RBM14: variants seen among roughly 807,000 people sequenced by gnomAD.
RBM14 encodes RNA binding motif protein 14.
RBM14 carries 5 observed loss-of-function variants against 52.8 expected under a neutral mutation model. That is an observed-to-expected ratio of 0.09 (90% CI 0.05 to 0.20). RBM14 has a LOEUF of 0.20. RBM14 is among the 10% of genes least tolerant of loss of function. RBM14 has a pLI of 1.00. For synonymous variants in RBM14, 411 were observed against 401.8 expected (o/e 1.02, Z -0.28); for missense variants, 780 against 926.6 (o/e 0.84, Z 2.05).
At chr11:66,620,416 T>C (rs1231029027) in intron 1 of RBM14, among the ~76,000 whole-genome samples, 1 of 152,054 alleles carries the variant, frequency 6.6e-6, no homozygotes, top group Non-Finnish European at 1.5e-5. Context: ...CAAGCAATTC[T>C]CCTGCCTCAG....
rs2134997177 is a variant in RBM14 at position 66,616,646 on chromosome 11, G to A, written c.-75G>A. On this transcript the variant is annotated 5_prime_UTR_variant, in exon 1 of 3. Transcript: ENST00000310137. ...TCGCCAGCCATTCCTGAGGAGGACT[G>A]CCGGTCGTTCGGACGTCTTGCCTGT... 2 of 1,487,082 alleles carry A rather than the reference G, an allele frequency of 1.3e-6. No individual in the cohort carries two copies. Among genetic ancestry groups the A allele is most frequent in the Non-Finnish European group, 1.8e-6 (2 of 1,115,632 alleles). 92.1% of individuals were successfully genotyped at this position (1,487,082 alleles called of 1,614,324 possible). A position where few individuals can be genotyped will look rare whatever the true frequency, so the allele number is the denominator to read the frequency against.
In RBM14 at chr11:66,625,434, T is replaced by C; in HGVS notation, c.1558T>C (p.Ser520Pro). 6.2e-7 allele frequency: 1 copy of C among 1,613,612 alleles called. No homozygotes were observed. Among genetic ancestry groups the C allele is most frequent in the Non-Finnish European group, 8.5e-7 (1 of 1,179,922 alleles). ...ATLAAPYRTQ[S>P]SASLAASYAA... ...CCTGGCAGCTCCTTACCGCACTCAG[T>C]CATCAGCCTCATTGGCTGCTTCCTA... The change falls in exon 2 of 3, where the codon TCA (serine) becomes CCA (proline). Residue 520 changes from serine (S) to proline (P), a missense_variant. By Grantham distance (74) the Ser-to-Pro change is moderately conservative. Transcript: ENST00000310137. The surrounding 1 kb of genome is among the most constrained non-coding windows in gnomAD (Gnocchi z 4.2).
rs535210722 is a variant in RBM14 at position 66,618,686 on chromosome 11, C to G, written c.337+1629C>G. 2.9e-4 allele frequency: 182 copies of G among 633,498 alleles called. No homozygotes were observed. In the South Asian group the frequency reaches 3.3e-3, roughly 11 times the overall value. The allele number at this position is 633,498 out of a possible 1,614,324, so 39.2% of individuals were successfully genotyped here. On this transcript the variant is annotated intron_variant, in intron 1 of 2. Transcript: ENST00000310137. ...TTGTGAGAGTTTTGTGTTTAATTGA[C>G]TTACCAAGTTTCTTTTGTGGTTGTT...
At chr11:66,620,903 C>A (rs1345731886) in intron 1 of RBM14, 1 of 151,998 alleles carries the variant, frequency 6.6e-6, no homozygotes, top group Non-Finnish European at 1.5e-5. Context: ...ACTCTGCTTC[C>A]CCTTCACTTT....
At position 66,622,902 on chromosome 11, in the gene RBM14, A is replaced by G. The variant is rs77413477; in HGVS notation, c.338-1312A>G. On this transcript the variant is annotated intron_variant, in intron 1 of 2. Transcript: ENST00000310137. ...ATCTAAGAGTAGCCACAGGTCGAGAATGGAGCTAAGCTTAGAGCCTTATTT... is the reference window on the plus strand; with the variant it reads ...ATCTAAGAGTAGCCACAGGTCGAGAGTGGAGCTAAGCTTAGAGCCTTATTT... 8.8e-3 allele frequency among the ~76,000 whole-genome samples: 1,345 copies of G among 152,312 alleles called. 23 individuals are homozygous for G. Among genetic ancestry groups the G allele is most frequent in the African/African-American group, 0.03 (1,252 of 41,560 alleles).
chr11:66,617,151 G>T, intron 1 of RBM14, 94 bp downstream of exon 1: 2 of 1,489,926 alleles, frequency 1.3e-6, no homozygotes, highest in Non-Finnish European at 1.8e-6. Flanking sequence ...CTGCGCGGTT[G>T]GGAGGGGTGG....
rs1937705033 is a variant in RBM14, at chr11:66,624,689, C to T, written c.813C>T (p.Ala271=). The T allele has an allele frequency of 6.2e-7, 1 of 1,613,376 alleles. No individual in the cohort carries two copies. The highest frequency in any genetic ancestry group is 8.5e-7 in the Non-Finnish European group (1 of 1,179,670). The change falls in exon 2 of 3, where the codon GCC becomes GCT. Residue 271 remains alanine, a synonymous_variant. Transcript: ENST00000310137. The surrounding 1 kb of genome is among the most constrained non-coding windows in gnomAD (Gnocchi z 4.7). ...YRTQPMTAQA[A]SYRAQPSVSL... ...CTCAGCCCATGACAGCCCAGGCAGC[C>T]TCTTACCGCGCTCAGCCCTCTGTCT... is the stretch of plus-strand genomic sequence containing the variant.
chr11:66,623,573 A>C (rs552532519), intron 1 of RBM14, among the ~76,000 whole-genome samples: 35 of 152,260 alleles, frequency 2.3e-4, no homozygotes, highest in African/African-American at 7.0e-4. Context: ...TGCCCTGCCT[A>C]CCTCACAGGA....
In RBM14 at chr11:66,626,692, CAG is replaced by C. The variant is rs1388870868; in HGVS notation, c.*25_*26del. ...AGGGCCATCCTGGGATGGGGCACCA[CAG>C]GGAGGGAGGGAGAAAAGAGGTGGGT... is the stretch of plus-strand genomic sequence containing the variant. On this transcript the variant is annotated 3_prime_UTR_variant, in exon 3 of 3. Transcript: ENST00000310137. 6.4e-6 allele frequency: 10 copies of C among 1,573,784 alleles called. No homozygotes were observed. The Admixed American group carries it at 7.1e-5, about 11-fold the overall frequency.
rs1279807805 is a variant in RBM14, at chr11:66,624,597, C to G, written c.721C>G (p.Pro241Ala). The change falls in exon 2 of 3, where the codon CCG (proline) becomes GCG (alanine). Residue 241 changes from proline (P) to alanine (A), a missense_variant. Transcript: ENST00000310137. This position sits in a 1 kb window ranked among gnomAD's most constrained non-coding sequence, Gnocchi z 4.7. ...TAQPATYRAQ[P>A]SVSLGAAYRA... ...CCAGCCAGCTACCTACCGGGCCCAG[C>G]CGTCCGTGTCACTGGGAGCTGCCTA... The G allele has an allele frequency of 6.2e-7, 1 of 1,612,078 alleles. No homozygotes were observed. Among genetic ancestry groups the G allele is most frequent in the African/African-American group, 1.3e-5 (1 of 74,926 alleles).
intron 1 of RBM14, among the ~76,000 whole-genome samples, chr11:66,617,887 T>C (rs912766847): frequency 1.3e-5 from 2 of 151,984 alleles, no homozygotes; most frequent in African/African-American, 4.8e-5. Context: ...TTGGTGACTT[T>C]GCAGGGGGGC....
In RBM14 at chr11:66,624,892, C is replaced by G. The variant is rs762721467; in HGVS notation, c.1016C>G (p.Ala339Gly). 18 of 1,613,846 alleles carry G rather than the reference C, an allele frequency of 1.1e-5. No homozygotes were observed. Among genetic ancestry groups the G allele is most frequent in the Non-Finnish European group, 1.5e-5 (18 of 1,179,984 alleles). ...NSYGAQGSSL[A>G]SYGNQPSSYG... ...TATGGGGCTCAGGGTTCCTCCCTTG[C>G]CTCCTATGGTAACCAGCCATCCTCT... The change falls in exon 2 of 3, where the codon GCC becomes GGC. Residue 339 changes from alanine (A) to glycine (G), a missense_variant. Ala to Gly is a moderately conservative substitution (Grantham distance 60, BLOSUM62 0). This residue lies in a region of RBM14 where 675 missense variants were observed against 697.3 expected (regional missense o/e 0.97). Coordinates refer to ENST00000310137, the MANE Select transcript of RBM14 (RefSeq NM_006328.4). This position sits in a 1 kb window ranked among gnomAD's most constrained non-coding sequence, Gnocchi z 4.7.
rs1454964837 is a variant in RBM14 at position 66,624,932 on chromosome 11, T to A, written c.1056T>A (p.Ala352=). The A allele has an allele frequency of 2.5e-6, 4 of 1,613,798 alleles. No individual in the cohort carries two copies. Among genetic ancestry groups the A allele is most frequent in the Non-Finnish European group, 3.4e-6 (4 of 1,179,974 alleles). Residue 352 remains alanine (A), a synonymous_variant, in exon 2 of 3, where the codon GCT becomes GCA. Coordinates refer to ENST00000310137, the MANE Select transcript of RBM14 (RefSeq NM_006328.4). This position sits in a 1 kb window ranked among gnomAD's most constrained non-coding sequence, Gnocchi z 4.7. ...AGCCATCCTCTTACGGCGCCCAGGC[T>A]GCCTCTTCCTATGGGGTTCGTGCAG... The part of the protein sequence containing the change: ...GNQPSSYGAQ[A]ASSYGVRAAA...
chr11:66,624,713 C>T lies in RBM14; in HGVS notation c.837C>T (p.Val279=). The change falls in exon 2 of 3, where the codon GTC becomes GTT. Residue 279 remains valine (V), a synonymous_variant. Transcript: ENST00000310137. The surrounding 1 kb of genome is among the most constrained non-coding windows in gnomAD (Gnocchi z 4.7). ...CCTCTTACCGCGCTCAGCCCTCTGT[C>T]TCCCTTGGGGCACCATACAGGGGCC... is the stretch of plus-strand genomic sequence containing the variant. ...QAASYRAQPS[V]SLGAPYRGQL... 6.2e-7 allele frequency: 1 copy of T among 1,614,056 alleles called. No homozygotes were observed.
intron 1 of RBM14, chr11:66,617,549 A>G: frequency 1.0e-6 from 1 of 989,892 alleles, no homozygotes; most frequent in Non-Finnish European, 1.2e-6. Context: ...CTCAAGCGGA[A>G]GGTAACGGGG....
At chr11:66,617,323 G>A in intron 1 of RBM14, 3 of 1,295,368 alleles carry the variant, frequency 2.3e-6, no homozygotes, top group Non-Finnish European at 2.9e-6. Context: ...GCGCCTGAGA[G>A]CCTTGCGAGT....
chr11:66,621,479 G>A (rs1315133545), intron 1 of RBM14, among the ~76,000 whole-genome samples: 1 of 152,050 alleles, frequency 6.6e-6, no homozygotes, highest in Non-Finnish European at 1.5e-5. Flanking sequence ...CCGGGTTAAA[G>A]TGATTCTCCT....
intron 1 of RBM14, among the ~76,000 whole-genome samples, chr11:66,621,144 T>C (rs2135011281): frequency 6.6e-6 from 1 of 152,060 alleles, no homozygotes; most frequent in Middle Eastern, 3.4e-3. Flanking sequence ...GTATTAGGAT[T>C]ACAGGAGGGA....
rs758986962 is a variant in RBM14 at position 66,625,071 on chromosome 11, G to C, written c.1195G>C (p.Ala399Pro). The C allele has an allele frequency of 1.2e-6, 2 of 1,613,802 alleles. No homozygotes were observed. Among genetic ancestry groups the C allele is most frequent in the Admixed American group, 3.3e-5 (2 of 60,010 alleles). ...AASSLAYGAQ[A>P]ASYNAQPSAS... ...CTCCTCACTAGCTTATGGAGCCCAG[G>C]CAGCTTCATATAATGCCCAGCCCTC... is the stretch of plus-strand genomic sequence containing the variant. Residue 399 changes from alanine to proline, a missense_variant, in exon 2 of 3, where the codon GCA (alanine) becomes CCA (proline). This residue lies in a region of RBM14 where 675 missense variants were observed against 697.3 expected (regional missense o/e 0.97). Coordinates refer to ENST00000310137, the MANE Select transcript of RBM14 (RefSeq NM_006328.4). This position sits in a 1 kb window ranked among gnomAD's most constrained non-coding sequence, Gnocchi z 4.2.
Sources: allele counts gnomAD v4.1 joint callset (sites outside exome capture counted in the v4.1 genomes callset), GRCh38; gene constraint gnomAD v4.1.1; regional missense constraint gnomAD v4.1.1; non-coding constraint Gnocchi (gnomAD v3.1); transcripts MANE v1.5; gene names NCBI Gene and HGNC (gene_info 2026-07-23, HGNC 2026-07-21).